PAX3: variants seen among roughly 807,000 people sequenced by gnomAD.
The protein encoded by PAX3 is paired box protein Pax-3.
In PAX3, 14 loss-of-function variants were observed where a neutral mutation model predicts 51.6. The observed-to-expected ratio is 0.27, with a 90% CI of 0.18 to 0.42. The LOEUF (loss-of-function observed/expected upper bound fraction) is 0.42, where lower values mean the gene tolerates loss of function less well. Ranked by LOEUF, PAX3 falls within the 10% of genes least tolerant of loss-of-function variation. PAX3 has a pLI of 1.00. For missense variants in PAX3, 540 were observed against 642.8 expected (o/e 0.84, Z 1.73); for synonymous variants, 280 against 253.4 (o/e 1.11, Z -1.00).
At chr2:222,211,813 T>C (rs573665502) in intron 7 of PAX3, among the ~76,000 whole-genome samples, 11 of 152,344 alleles carry the variant, frequency 7.2e-5, no homozygotes, top group Admixed American at 5.2e-4. Flanking sequence ...TGTCAGGGCC[T>C]TTAGTAGGCT....
Position 222,256,502 on chromosome 2 carries a change from C to T in PAX3, c.587-24219G>A, listed in dbSNP as rs538386536. ...CTCCACTCCCACTGAGACAATCCCT[C>T]AGGCACAAAGACCCCCTAACCTCCT... On this transcript the variant is annotated intron_variant, in intron 4 of 8. Transcript: ENST00000392070. Among the ~76,000 whole-genome samples, 5 of 152,168 alleles carry T rather than the reference C, an allele frequency of 3.3e-5. No homozygotes were observed. In the East Asian group the frequency reaches 9.7e-4, roughly 30 times the overall value.
chr2:222,205,023 T>C (rs185962696), intron 7 of PAX3, among the ~76,000 whole-genome samples: 1 of 152,194 alleles, frequency 6.6e-6, no homozygotes, highest in East Asian at 1.9e-4. Flanking sequence ...AATAACTAAT[T>C]ATAGGGGATG....
At chr2:222,211,367 G>A (rs369795653) in intron 7 of PAX3, among the ~76,000 whole-genome samples, 14 of 152,272 alleles carry the variant, frequency 9.2e-5, no homozygotes, top group African/African-American at 3.1e-4. Flanking sequence ...GGCTAAGTTT[G>A]AACTCTATTG....
In PAX3 at chr2:222,203,468, A is replaced by G. The variant is rs193076599; in HGVS notation, c.1174-1278T>C. Among the ~76,000 whole-genome samples the G allele has an allele frequency of 2.6e-5, 4 of 152,278 alleles. No individual in the cohort carries two copies. The East Asian group carries it at 7.7e-4, about 29-fold the overall frequency. ...ATAACAGTCCTGTCTTATTTTAGGA[A>G]GTGTGAAGCCTACAGAGATTAAAGT... On this transcript the variant is annotated intron_variant, in intron 7 of 8. Transcript: ENST00000392070.
intron 4 of PAX3, among the ~76,000 whole-genome samples, chr2:222,232,682 G>T (rs1692642693): frequency 6.6e-6 from 1 of 151,934 alleles, no homozygotes; most frequent in South Asian, 2.1e-4. Context: ...CTACTTAATG[G>T]GTGCTTCCTT....
In PAX3 at chr2:222,297,173, G is replaced by T. The variant is rs369680052; in HGVS notation, c.126C>A (p.Gly42=). Reference sequence around the variant, plus strand: ...GCGGCCTGCCGTTGATAAAAACACCGCCGAGCTGGTTGACGCGGCCCTGGC... The same window carrying T: ...GCGGCCTGCCGTTGATAAAAACACCTCCGAGCTGGTTGACGCGGCCCTGGC... ...PLGQGRVNQL[G]GVFINGRPLP... Residue 42 remains glycine (G), a synonymous_variant, in exon 2 of 9, where the codon GGC becomes GGA. Transcript: ENST00000392070. 6.6e-4 allele frequency: 1,049 copies of T among 1,598,042 alleles called. 11 individuals carry two copies. Among genetic ancestry groups the T allele is most frequent in the South Asian group, 6.2e-3 (551 of 88,730 alleles).
At chr2:222,224,231 G>T (rs576657066) in intron 5 of PAX3, among the ~76,000 whole-genome samples, 5 of 152,294 alleles carry the variant, frequency 3.3e-5, no homozygotes, top group African/African-American at 9.6e-5. Flanking sequence ...AAAATGAAGA[G>T]AAATTGTTGT....
At chr2:222,201,761 C>T in intron 8 of PAX3, 183 bp downstream of exon 8, 5 of 1,479,464 alleles carry the variant, frequency 3.4e-6, no homozygotes, top group African/African-American at 2.9e-5. Context: ...TTGTTGACAT[C>T]AGTTAAGAAA....
intron 4 of PAX3, among the ~76,000 whole-genome samples, chr2:222,241,784 A>G (rs750482645): frequency 1.6e-4 from 24 of 152,240 alleles, no homozygotes; most frequent in Non-Finnish European, 2.6e-4. Context: ...GAACACTTCA[A>G]ACAATTTGAA....
intron 4 of PAX3, among the ~76,000 whole-genome samples, chr2:222,290,982 GAAGGACATA>G (rs1347048559): frequency 6.6e-6 from 1 of 152,016 alleles, no homozygotes; most frequent in Non-Finnish European, 1.5e-5. Context: ...ATGAAAGTGA[GAAGGACATA>G]AAGGAGGCAA....
intron 4 of PAX3, among the ~76,000 whole-genome samples, chr2:222,251,910 A>G (rs1227750737): frequency 6.6e-6 from 1 of 152,184 alleles, no homozygotes; most frequent in Non-Finnish European, 1.5e-5. Context: ...ACCAGAATTT[A>G]CCAACAGAAC....
At chr2:222,228,884 T>A (rs1298530452) in intron 5 of PAX3, among the ~76,000 whole-genome samples, 1 of 152,088 alleles carries the variant, frequency 6.6e-6, no homozygotes, top group African/African-American at 2.4e-5. Context: ...GGCTACACAG[T>A]GAGCCATGAT....
At chr2:222,201,627 C>T in intron 8 of PAX3, 185 bp from the exon 9 acceptor site, 1 of 1,312,854 alleles carries the variant, frequency 7.6e-7, no homozygotes, top group Non-Finnish European at 1.0e-6. Context: ...CCATATGATC[C>T]TGGAGCTGAC....
At position 222,202,112 on chromosome 2, in the gene PAX3, C is replaced by T. The variant is rs1452539825; in HGVS notation, c.1252G>A (p.Gly418Ser). Residue 418 changes from glycine to serine, a missense_variant, in exon 8 of 9, where the codon GGT becomes AGT. Around this residue, in one of 3 missense-constraint regions of PAX3, gnomAD observed 427 missense variants for 483.6 expected, o/e 0.88. Coordinates refer to ENST00000392070, the MANE Select transcript of PAX3 (RefSeq NM_181458.4). Reference sequence around the variant, plus strand: ...GACACCGTGGTGGTAGGTTCCAGACCCCCGGTGAGAGGGGAGAGCGCGTAA... The same window carrying T: ...GACACCGTGGTGGTAGGTTCCAGACTCCCGGTGAGAGGGGAGAGCGCGTAA... Reference protein sequence around the residue: ...TDYALSPLTGGLEPTTTVSAS... With the variant: ...TDYALSPLTGSLEPTTTVSAS... 1 of 1,613,754 alleles carries T rather than the reference C, an allele frequency of 6.2e-7. No individual in the cohort carries two copies. The highest frequency in any genetic ancestry group is 1.1e-5 in the South Asian group (1 of 91,058).
chr2:222,214,081 C>A (rs986483836), intron 7 of PAX3, among the ~76,000 whole-genome samples: 1 of 152,094 alleles, frequency 6.6e-6, no homozygotes, highest in Non-Finnish European at 1.5e-5. Context: ...AAGTCCTTAC[C>A]CCCTGGATGA....
At chr2:222,258,397 AAAT>A (rs1693726887) in intron 4 of PAX3, among the ~76,000 whole-genome samples, 1 of 152,022 alleles carries the variant, frequency 6.6e-6, no homozygotes, top group South Asian at 2.1e-4. Flanking sequence ...TTTCATTATT[AAAT>A]AATACTTAGT....
intron 3 of PAX3, 111 bp downstream of exon 3, chr2:222,295,417 C>T: frequency 7.6e-7 from 1 of 1,313,730 alleles, no homozygotes; most frequent in Non-Finnish European, 1.1e-6. Context: ...TCGGGAGAGG[C>T]CACCTCCCAA....
At chr2:222,220,061 C>T in intron 7 of PAX3, 79 bp downstream of exon 7, 1 of 1,267,636 alleles carries the variant, frequency 7.9e-7, no homozygotes, top group Non-Finnish European at 1.1e-6. Flanking sequence ...TTTGGCAATT[C>T]ATTACACTAC....
intron 4 of PAX3, among the ~76,000 whole-genome samples, chr2:222,279,540 G>T (rs1694562199): frequency 6.6e-6 from 1 of 152,216 alleles, no homozygotes; most frequent in Admixed American, 6.5e-5. Flanking sequence ...AAGTATGCCT[G>T]TGAAAAGCCT....
Sources: allele counts gnomAD v4.1 joint callset (sites outside exome capture counted in the v4.1 genomes callset), GRCh38; gene constraint gnomAD v4.1.1; regional missense constraint gnomAD v4.1.1; transcripts MANE v1.5; gene names NCBI Gene and HGNC (gene_info 2026-07-23, HGNC 2026-07-21).